Variants in RNF112 observed in about 807,000 individuals in gnomAD.
The protein encoded by RNF112 is brain finger protein.
In RNF112, 34 loss-of-function variants were observed where a neutral mutation model predicts 64.7. The observed-to-expected ratio is 0.53, with a 90% CI of 0.40 to 0.70. The LOEUF (loss-of-function observed/expected upper bound fraction) is 0.70, where lower values mean the gene tolerates loss of function less well. RNF112 is among the 30% of genes least tolerant of loss of function. The pLI is 0.00. For missense variants in RNF112, 734 were observed against 850.0 expected, an observed-to-expected ratio of 0.86 and a Z score of 1.70; for synonymous variants, 345 against 344.5, an observed-to-expected ratio of 1.00 and a Z score of -0.02.
Position 19,413,025 on chromosome 17 carries a change from C to G in RNF112, c.469C>G (p.Arg157Gly), listed in dbSNP as rs770500922. ...CATCCTTAGGATGGGGGCCATCAAC[C>G]GCTGCCTGAAGCACCCTCTGGCCAG... is the stretch of plus-strand genomic sequence containing the variant. ...GLILRMGAIN[R>G]CLKHPLARDT... is the part of the protein sequence containing the mutation. The change falls in exon 4 of 14, where the codon CGC becomes GGC. Residue 157 changes from arginine to glycine, a missense_variant. By Grantham distance (125) the Arg-to-Gly change is moderately radical. Coordinates refer to ENST00000461366, the MANE Select transcript of RNF112 (RefSeq NM_007148.5). This position sits in a 1 kb window ranked among gnomAD's most constrained non-coding sequence, Gnocchi z 5.9. 1.2e-6 allele frequency: 2 copies of G among 1,612,064 alleles called. No individual in the cohort carries two copies. The highest frequency in any genetic ancestry group is 2.7e-5 in the African/African-American group (2 of 74,900).
rs1048773921 is a variant in RNF112, at chr17:19,412,278, A to C, written c.96-220A>C. On this transcript the variant is annotated intron_variant, in intron 2 of 13. Transcript: ENST00000461366. This position sits in a 1 kb window ranked among gnomAD's most constrained non-coding sequence, Gnocchi z 5.1. ...CTCTCACCATTGCTCTGCTGCCCCC[A>C]CTCTGAGGCCCCCAGGTCCTAGGAC... Among the ~76,000 whole-genome samples, 55 of 151,438 alleles carry C rather than the reference A, an allele frequency of 3.6e-4. No homozygotes were observed. Among genetic ancestry groups the C allele is most frequent in the Non-Finnish European group, 6.0e-4 (41 of 67,796 alleles).
Position 19,413,353 on chromosome 17 carries a change from T to G in RNF112, c.662T>G (p.Leu221Arg), listed in dbSNP as rs1365458600. The G allele has an allele frequency of 1.2e-6, 2 of 1,613,032 alleles. No individual in the cohort carries two copies. The highest frequency in any genetic ancestry group is 2.2e-5 in the South Asian group (2 of 90,988). ...GGCTGCAGGTGGGGCGCCAATGGCCTCGCCAGGGGCATATGGATGTGGAGC... is the reference window on the plus strand; with the variant it reads ...GGCTGCAGGTGGGGCGCCAATGGCCGCGCCAGGGGCATATGGATGTGGAGC... ...LQGCRWGANG[L>R]ARGIWMWSHP... Residue 221 changes from leucine to arginine, a missense_variant, in exon 5 of 14, where the codon CTC becomes CGC. Physicochemically the swap from Leu to Arg is moderately radical, Grantham distance 102. Coordinates refer to ENST00000461366, the MANE Select transcript of RNF112 (RefSeq NM_007148.5). This position sits in a 1 kb window ranked among gnomAD's most constrained non-coding sequence, Gnocchi z 5.9.
At position 19,413,597 on chromosome 17, in the gene RNF112, C is replaced by T. The variant is rs1441932321; in HGVS notation, c.741C>T (p.Asp247=). The T allele has an allele frequency of 1.9e-6, 3 of 1,613,086 alleles. No homozygotes were observed. Among genetic ancestry groups the T allele is most frequent in the Admixed American group, 3.3e-5 (2 of 59,906 alleles). ...EGKKVAVFLV[D]TGDAMSPELS... ...CATAGGTGGCGGTGTTCCTGGTGGA[C>T]ACAGGGGATGCCATGAGCCCTGAGC... Residue 247 remains aspartate, a synonymous_variant, in exon 6 of 14, where the codon GAC becomes GAT. Coordinates refer to ENST00000461366, the MANE Select transcript of RNF112 (RefSeq NM_007148.5). The surrounding 1 kb of genome is among the most constrained non-coding windows in gnomAD (Gnocchi z 5.9).
chr17:19,413,782 C>T lies in RNF112; in HGVS notation c.825+101C>T, dbSNP rs1598135367. 1.1e-6 allele frequency: 1 copy of T among 907,876 alleles called. No individual in the cohort carries two copies. The highest frequency in any genetic ancestry group is 2.7e-5 in the East Asian group (1 of 37,658). The allele number at this position is 907,876 out of a possible 1,614,324, so 56.2% of individuals were successfully genotyped here. A position where few individuals can be genotyped will look rare whatever the true frequency, so the allele number is the denominator to read the frequency against. On this transcript the variant is annotated intron_variant, in intron 6 of 13. Coordinates refer to ENST00000461366, the MANE Select transcript of RNF112 (RefSeq NM_007148.5). This position sits in a 1 kb window ranked among gnomAD's most constrained non-coding sequence, Gnocchi z 5.9. ...TCTCACAGGCTTTGGTGTCTGGGGT[C>T]CTGATAGGTTCTGGGGCTGCCTTAG...
rs779944443 is a variant in RNF112, at chr17:19,412,646, A to G, written c.244A>G (p.Ser82Gly). The stretch of plus-strand genomic sequence containing the variant: ...CCACGACTTCTGCATACGGTGCTTC[A>G]GCACACACCGTCTCCCGGGCTGTGA... Reference protein sequence around the residue: ...CGHDFCIRCFSTHRLPGCEPP... With the variant: ...CGHDFCIRCFGTHRLPGCEPP... Residue 82 changes from serine to glycine, a missense_variant, in exon 3 of 14, where the codon AGC becomes GGC. Transcript: ENST00000461366. This position sits in a 1 kb window ranked among gnomAD's most constrained non-coding sequence, Gnocchi z 5.1. The G allele has an allele frequency of 1.2e-6, 2 of 1,613,368 alleles. No individual in the cohort carries two copies. The highest frequency in any genetic ancestry group is 1.7e-6 in the Non-Finnish European group (2 of 1,179,766).
chr17:19,411,319 C>A lies in RNF112; in HGVS notation c.-90C>A. On this transcript the variant is annotated 5_prime_UTR_variant, in exon 1 of 14. Transcript: ENST00000461366. ...CTTCTACCTACCGCAGCCTGCTAGC[C>A]TTTCCGGGAGAAAAGGCATCCTTAC... 7.6e-7 allele frequency: 1 copy of A among 1,319,326 alleles called. No individual in the cohort carries two copies. The highest frequency in any genetic ancestry group is 1.3e-5 in the South Asian group (1 of 77,416). The allele number at this position is 1,319,326 out of a possible 1,614,324, so 81.7% of individuals were successfully genotyped here.
At chr17:19,414,746 A>G (rs1913803815) in intron 9 of RNF112, 24 bp from the exon 10 acceptor site, 1 of 1,612,358 alleles carries the variant, frequency 6.2e-7, no homozygotes, top group South Asian at 1.1e-5. Flanking sequence ...CCTAGCTCAG[A>G]GCACTCCTCT....
intron 7 of RNF112, 97 bp downstream of exon 7, chr17:19,414,242 G>A (rs1240239098): frequency 1.6e-6 from 2 of 1,240,676 alleles, no homozygotes; most frequent in Non-Finnish European, 2.3e-6. Flanking sequence ...CTGGCCTAGG[G>A]TTTTATGACA....
chr17:19,411,497 G>C, intron 1 of RNF112, 35 bp downstream of exon 1: 5 of 1,599,080 alleles, frequency 3.1e-6, no homozygotes, highest in Admixed American at 3.4e-5. Flanking sequence ...GAAGGAGAGT[G>C]GGGTGGGAAG....
chr17:19,414,949 G>A, intron 10 of RNF112, 62 bp downstream of exon 10: 1 of 1,593,542 alleles, frequency 6.3e-7, no homozygotes, highest in Non-Finnish European at 8.6e-7. Flanking sequence ...CGGCAACCGA[G>A]CCCCTTGAAG....
Position 19,412,433 on chromosome 17 carries a change from C to T in RNF112, c.96-65C>T. 2 of 1,545,010 alleles carry T rather than the reference C, an allele frequency of 1.3e-6. No individual in the cohort carries two copies. Among genetic ancestry groups the T allele is most frequent in the South Asian group, 2.4e-5 (2 of 82,984 alleles). On this transcript the variant is annotated intron_variant, in intron 2 of 13. Coordinates refer to ENST00000461366, the MANE Select transcript of RNF112 (RefSeq NM_007148.5). This position sits in a 1 kb window ranked among gnomAD's most constrained non-coding sequence, Gnocchi z 5.1. ...CCAAGCCATCAGTCTTCCACCACAA[C>T]CCTGGCCGGTACCCCCTGCCCCCAA...
Position 19,415,798 on chromosome 17 carries a change from C to T in RNF112, c.1519C>T (p.Arg507Cys), listed in dbSNP as rs575828002. Reference protein sequence around the residue: ...LSTQKDAILARHGVALLCKGR... With the variant: ...LSTQKDAILACHGVALLCKGR... ...CACCCAGAAAGATGCCATTCTGGCC[C>T]GCCATGGTGTGGCCTTACTCTGCAA... The change falls in exon 14 of 14, where the codon CGC (arginine) becomes TGC (cysteine). Residue 507 changes from arginine to cysteine, a missense_variant. Coordinates refer to ENST00000461366, the MANE Select transcript of RNF112 (RefSeq NM_007148.5). This position sits in a 1 kb window ranked among gnomAD's most constrained non-coding sequence, Gnocchi z 7.8. The T allele has an allele frequency of 8.7e-6, 14 of 1,613,722 alleles. No homozygotes were observed. Among genetic ancestry groups the T allele is most frequent in the East Asian group, 2.2e-5 (1 of 44,884 alleles).
chr17:19,415,003 C>A lies in RNF112; in HGVS notation c.1127-35C>A. The stretch of plus-strand genomic sequence containing the variant: ...TCTGACACCCCTTCTCCTCCCAAAG[C>A]CCGCAGTCTCTCAGCATGCACATCT... On this transcript the variant is annotated intron_variant, in intron 10 of 13. Coordinates refer to ENST00000461366, the MANE Select transcript of RNF112 (RefSeq NM_007148.5). The surrounding 1 kb of genome is among the most constrained non-coding windows in gnomAD (Gnocchi z 7.8). 1 of 1,580,434 alleles carries A rather than the reference C, an allele frequency of 6.3e-7. No homozygotes were observed. Among genetic ancestry groups the A allele is most frequent in the Non-Finnish European group, 8.6e-7 (1 of 1,160,240 alleles).
chr17:19,411,360 T>A lies in RNF112; in HGVS notation c.-49T>A, dbSNP rs1459112793. ...GCATCCTTACCTCTGGTTGAAGGTC[T>A]CGGGGCCTCCCCCTCTGCATCCGGA... On this transcript the variant is annotated 5_prime_UTR_variant, in exon 1 of 14. Transcript: ENST00000461366. The A allele has an allele frequency of 6.3e-7, 1 of 1,582,930 alleles. No individual in the cohort carries two copies. The highest frequency in any genetic ancestry group is 2.2e-5 in the East Asian group (1 of 44,474).
chr17:19,412,711 G>A lies in RNF112; in HGVS notation c.309G>A (p.Gln103=). ...CCPECRKICK[Q]KRGLRSLGEK... ...CTGAGTGCCGGAAGATATGCAAGCA[G>A]AAGAGGGGCCTCCGGAGCCTGGGCG... Residue 103 remains glutamine, a synonymous_variant, in exon 3 of 14, where the codon CAG becomes CAA. Transcript: ENST00000461366. This position sits in a 1 kb window ranked among gnomAD's most constrained non-coding sequence, Gnocchi z 5.1. 1 of 1,613,344 alleles carries A rather than the reference G, an allele frequency of 6.2e-7. No homozygotes were observed. Among genetic ancestry groups the A allele is most frequent in the East Asian group, 2.2e-5 (1 of 44,808 alleles).
rs1488196269 is a variant in RNF112 at position 19,414,224 on chromosome 17, C to T, written c.876+79C>T. On this transcript the variant is annotated intron_variant, in intron 7 of 13. Transcript: ENST00000461366. Reference sequence around the variant, plus strand: ...GCTGGACCCAAAGGAACTAGGTGCCCTCCTGGTCTGGCCTAGGGTTTTATG... The same window carrying T: ...GCTGGACCCAAAGGAACTAGGTGCCTTCCTGGTCTGGCCTAGGGTTTTATG... 10 of 1,376,838 alleles carry T rather than the reference C, an allele frequency of 7.3e-6. No homozygotes were observed. The East Asian group carries it at 1.4e-4, about 19-fold the overall frequency. 85.3% of individuals were successfully genotyped at this position (1,376,838 alleles called of 1,614,324 possible). A position where few individuals can be genotyped will look rare whatever the true frequency, so the allele number is the denominator to read the frequency against.
In RNF112 at chr17:19,414,116, C is replaced by T. The variant is rs528797313; in HGVS notation, c.847C>T (p.Leu283=). 1.2e-6 allele frequency: 2 copies of T among 1,603,820 alleles called. No individual in the cohort carries two copies. The highest frequency in any genetic ancestry group is 2.2e-5 in the South Asian group (2 of 90,906). The part of the protein sequence containing the change: ...SYQILSTSQE[L]KDTDLDYLEM... The stretch of plus-strand genomic sequence containing the variant: ...CCAGATCCTCAGCACCTCCCAGGAG[C>T]TGAAGGATACAGACCTGGACTATCT... Residue 283 remains leucine, a synonymous_variant, in exon 7 of 14, where the codon CTG becomes TTG. Coordinates refer to ENST00000461366, the MANE Select transcript of RNF112 (RefSeq NM_007148.5).
At position 19,412,861 on chromosome 17, in the gene RNF112, G is replaced by C; in HGVS notation, c.382-77G>C. On this transcript the variant is annotated intron_variant, in intron 3 of 13. Transcript: ENST00000461366. This position sits in a 1 kb window ranked among gnomAD's most constrained non-coding sequence, Gnocchi z 5.1. Reference sequence around the variant, plus strand: ...CCCTATTCTAGAACATCAGGACACAGAGCTCCAGGCTGAACACATTCCAGG... The same window carrying C: ...CCCTATTCTAGAACATCAGGACACACAGCTCCAGGCTGAACACATTCCAGG... The C allele has an allele frequency of 6.3e-7, 1 of 1,580,432 alleles. No individual in the cohort carries two copies. Among genetic ancestry groups the C allele is most frequent in the Non-Finnish European group, 8.6e-7 (1 of 1,166,612 alleles).
rs1452585934 is a variant in RNF112 at position 19,414,081 on chromosome 17, C to G, written c.826-14C>G. On this transcript the variant is annotated splice_polypyrimidine_tract_variant and intron_variant, in intron 6 of 13. Transcript: ENST00000461366. ...TCTGTAATCTCTCATACATGTTGTT[C>G]TCTCTGATTCCAGATCCTCAGCACC... 1 of 1,598,748 alleles carries G rather than the reference C, an allele frequency of 6.3e-7. No individual in the cohort carries two copies. The highest frequency in any genetic ancestry group is 8.6e-7 in the Non-Finnish European group (1 of 1,167,170).
Sources: allele counts gnomAD v4.1 joint callset (sites outside exome capture counted in the v4.1 genomes callset), GRCh38; gene constraint gnomAD v4.1.1; non-coding constraint Gnocchi (gnomAD v3.1); transcripts MANE v1.5; gene names NCBI Gene and HGNC (gene_info 2026-07-23, HGNC 2026-07-21).